Variants in MTHFS observed in about 807,000 individuals in gnomAD.
MTHFS encodes the protein 5-formyltetrahydrofolate cyclo-ligase.
Under a neutral mutation model 12.7 loss-of-function variants are expected in MTHFS, and 7 were observed. The ratio of observed to expected loss-of-function variants is 0.55; its 90% CI spans 0.31 to 1.03. The LOEUF (loss-of-function observed/expected upper bound fraction) is 1.03, where lower values mean the gene tolerates loss of function less well. MTHFS is among the 50% of genes least tolerant of loss of function. The pLI, the probability that MTHFS is intolerant of heterozygous loss-of-function variation, is 0.05. For synonymous variants in MTHFS, 100 were observed against 97.1 expected (o/e 1.03, Z -0.18); for missense variants, 252 against 258.1 (o/e 0.98, Z 0.16).
At chr15:79,845,575 A>G in intron 2 of MTHFS, 133 bp from the exon 3 acceptor site, 2 of 1,263,264 alleles carry the variant, frequency 1.6e-6, no homozygotes. Flanking sequence ...TTAATATCCA[A>G]AAAGCACAGA....
chr15:79,845,097 G>C lies in MTHFS; in HGVS notation c.*113C>G. 2 of 1,346,152 alleles carry C rather than the reference G, an allele frequency of 1.5e-6. No homozygotes were observed. Among genetic ancestry groups the C allele is most frequent in the Non-Finnish European group, 1.0e-6 (1 of 991,632 alleles). 83.4% of individuals were successfully genotyped at this position (1,346,152 alleles called of 1,614,324 possible). ...TTCATAATTACAATTTTAAAATGCA[G>C]TCTGTATTCACATTAATGAACAATT... On this transcript the variant is annotated 3_prime_UTR_variant, in exon 3 of 3. Coordinates refer to ENST00000258874, the MANE Select transcript of MTHFS (RefSeq NM_006441.4).
chr15:79,848,151 A>G (rs902086476), intron 2 of MTHFS, among the ~76,000 whole-genome samples: 1 of 152,258 alleles, frequency 6.6e-6, no homozygotes, highest in Non-Finnish European at 1.5e-5. Flanking sequence ...ACATTCAATG[A>G]ATATTATTCA....
chr15:79,871,354 T>C (rs1482785201), intron 2 of MTHFS, among the ~76,000 whole-genome samples: 1 of 151,766 alleles, frequency 6.6e-6, no homozygotes, highest in Non-Finnish European at 1.5e-5. Flanking sequence ...CCCAAAAACA[T>C]GATGACAAAG....
At chr15:79,896,772 G>T in intron 1 of MTHFS, 100 bp downstream of exon 1, 4 of 1,466,192 alleles carry the variant, frequency 2.7e-6, no homozygotes, top group Non-Finnish European at 3.6e-6. Context: ...GGGGCGCCTA[G>T]CCCAGCGCCA....
chr15:79,853,555 T>C (rs1232976616), intron 2 of MTHFS, among the ~76,000 whole-genome samples: 1 of 152,224 alleles, frequency 6.6e-6, no homozygotes, highest in East Asian at 1.9e-4. Context: ...CTTGGGGATA[T>C]GAATAATGCC....
At position 79,843,593 on chromosome 15, in the gene MTHFS, G is replaced by A. The variant is rs917994666; in HGVS notation, c.*1617C>T. The stretch of plus-strand genomic sequence containing the variant: ...TTTGTACATAAAACATCAAATTTAT[G>A]CTACTATCCAAAGAATAATGGATGA... On this transcript the variant is annotated 3_prime_UTR_variant, in exon 3 of 3. Coordinates refer to ENST00000258874, the MANE Select transcript of MTHFS (RefSeq NM_006441.4). 32 of 152,122 alleles carry A rather than the reference G, an allele frequency of 2.1e-4. No homozygotes were observed. The highest frequency in any genetic ancestry group is 7.7e-4 in the African/African-American group (32 of 41,480). The allele number at this position is 152,122 out of a possible 1,614,324, so 9.4% of individuals were successfully genotyped here.
chr15:79,855,846 C>T (rs2033791504), intron 2 of MTHFS, among the ~76,000 whole-genome samples: 1 of 152,292 alleles, frequency 6.6e-6, no homozygotes, highest in East Asian at 1.9e-4. Flanking sequence ...AGGACATGAT[C>T]TCACTCTTTT....
intron 2 of MTHFS, among the ~76,000 whole-genome samples, chr15:79,855,808 C>T (rs935818339): frequency 2.0e-5 from 3 of 152,120 alleles, no homozygotes; most frequent in African/African-American, 7.2e-5. Context: ...TAGGATAATA[C>T]CCTCCAGCTC....
At chr15:79,856,365 GT>G (rs1247669779) in intron 2 of MTHFS, among the ~76,000 whole-genome samples, 1 of 151,972 alleles carries the variant, frequency 6.6e-6, no homozygotes, top group Non-Finnish European at 1.5e-5. Context: ...TAATGTGTTT[GT>G]TTTCTTCTTG....
At chr15:79,889,662 T>TC (rs921937344) in intron 1 of MTHFS, among the ~76,000 whole-genome samples, 6 of 152,230 alleles carry the variant, frequency 3.9e-5, no homozygotes, top group African/African-American at 1.4e-4. Context: ...CCAGGCTTGA[T>TC]CCCCACCTAT....
At chr15:79,889,938 G>A (rs142643474) in intron 1 of MTHFS, among the ~76,000 whole-genome samples, 19 of 152,184 alleles carry the variant, frequency 1.2e-4, no homozygotes, top group African/African-American at 4.6e-4. Context: ...CCCTAAATGT[G>A]GTATCCCTAA....
At chr15:79,866,861 C>T (rs897532837) in intron 2 of MTHFS, among the ~76,000 whole-genome samples, 7 of 152,092 alleles carry the variant, frequency 4.6e-5, no homozygotes, top group Admixed American at 6.5e-5. Context: ...GAGGCTGAGA[C>T]AGGAGAATCG....
chr15:79,872,351 T>C (rs921234836), intron 2 of MTHFS, among the ~76,000 whole-genome samples: 1 of 152,188 alleles, frequency 6.6e-6, no homozygotes, highest in African/African-American at 2.4e-5. Context: ...TCTGGTCTTG[T>C]AGGGCTCAGG....
chr15:79,881,077 A>C (rs1209149637), intron 2 of MTHFS, among the ~76,000 whole-genome samples: 1 of 152,228 alleles, frequency 6.6e-6, no homozygotes, highest in Non-Finnish European at 1.5e-5. Context: ...CTCCTCTTAA[A>C]AATTCTGCCC....
chr15:79,859,803 G>C (rs1358885938), intron 2 of MTHFS, among the ~76,000 whole-genome samples: 1 of 117,714 alleles, frequency 8.5e-6, no homozygotes, highest in East Asian at 2.5e-4. Flanking sequence ...GGAAGACAGA[G>C]AGAGAATACA....
chr15:79,856,280 ATTTTT>A (rs1230530156), intron 2 of MTHFS, among the ~76,000 whole-genome samples: 1 of 152,038 alleles, frequency 6.6e-6, no homozygotes, highest in African/African-American at 2.4e-5. Context: ...AAATTTCAGC[ATTTTT>A]TCATATGCTT....
intron 2 of MTHFS, among the ~76,000 whole-genome samples, chr15:79,879,043 C>T (rs1328600507): frequency 6.6e-6 from 1 of 152,000 alleles, no homozygotes; most frequent in African/African-American, 2.4e-5. Context: ...ACTGCAAAAA[C>T]AATTTAATAC....
chr15:79,869,477 C>G (rs1041459415), intron 2 of MTHFS, among the ~76,000 whole-genome samples: 1 of 152,164 alleles, frequency 6.6e-6, no homozygotes, highest in Admixed American at 6.5e-5. Flanking sequence ...CAGTCTTGCT[C>G]TGTTGCCCAG....
chr15:79,882,285 G>A (rs1472289294), intron 2 of MTHFS, among the ~76,000 whole-genome samples: 5 of 152,026 alleles, frequency 3.3e-5, no homozygotes, highest in African/African-American at 1.2e-4. Flanking sequence ...CATGCTGACA[G>A]TCACTGGTGG....
Sources: gnomAD v4.1 joint callset for allele counts (sites outside exome capture counted in the v4.1 genomes callset) on GRCh38, gnomAD v4.1.1 for gene constraint, MANE v1.5 for transcripts, NCBI Gene and HGNC (gene_info 2026-07-23, HGNC 2026-07-21) for gene names.